The following NEK5 variants were observed in gnomAD, a reference collection of about 807,000 sequenced individuals.
NEK5 encodes the protein serine/threonine-protein kinase Nek5.
In NEK5, 88 loss-of-function variants were observed where a neutral mutation model predicts 109.2. The observed-to-expected ratio is 0.81, with a 90% CI of 0.68 to 0.96. NEK5 has a LOEUF of 0.96. Ranked by LOEUF, NEK5 falls within the 40% of genes least tolerant of loss-of-function variation. The probability of loss-of-function intolerance (pLI) is 0.00; values close to 1 mark genes in which losing one functional copy is unlikely to be tolerated. For missense variants in NEK5, 834 were observed against 920.7 expected, an observed-to-expected ratio of 0.91 and a Z score of 1.22; for synonymous variants, 283 against 299.9, an observed-to-expected ratio of 0.94 and a Z score of 0.58.
intron 5 of NEK5, among the ~76,000 whole-genome samples, 196 bp from the exon 6 acceptor site, chr13:52,110,773 A>C (rs995274585): frequency 1.3e-4 from 20 of 152,210 alleles, no homozygotes; most frequent in Admixed American, 2.0e-4. Context: ...AACTAAAAAA[A>C]TGGAGGCACA....
intron 22 of NEK5, among the ~76,000 whole-genome samples, chr13:52,054,904 AAAG>A (rs1566732876): frequency 6.6e-6 from 1 of 152,260 alleles, no homozygotes; most frequent in Non-Finnish European, 1.5e-5. Flanking sequence ...CTCCTCCTCC[AAAG>A]GAACGCAGTT....
At chr13:52,072,172 A>T (rs1394388282) in intron 19 of NEK5, 102 bp from the exon 20 acceptor site, 9 of 805,476 alleles carry the variant, frequency 1.1e-5, no homozygotes, top group Non-Finnish European at 1.8e-5. Flanking sequence ...CAAGGTATAT[A>T]GTAAATATTC....
At chr13:52,117,873 A>G (rs1205698881) in intron 4 of NEK5, among the ~76,000 whole-genome samples, 1 of 152,248 alleles carries the variant, frequency 6.6e-6, no homozygotes, top group African/African-American at 2.4e-5. Context: ...CCAGAGAGTC[A>G]CAATAATCTC....
chr13:52,075,838 CAAAAA>C lies in NEK5; in HGVS notation c.1654-17_1654-13del. 4.3e-6 allele frequency: 5 copies of C among 1,167,006 alleles called. No individual in the cohort carries two copies. The highest frequency in any genetic ancestry group is 3.6e-5 in the Admixed American group (1 of 27,608). 72.3% of individuals were successfully genotyped at this position (1,167,006 alleles called of 1,614,324 possible). On this transcript the variant is annotated splice_polypyrimidine_tract_variant and intron_variant, in intron 18 of 23. Coordinates refer to ENST00000684899, the MANE Select transcript of NEK5 (RefSeq NM_001365552.1). ...AATTTTACCCCCTTCTAGGAGAAAG[CAAAAA>C]AAAAAAAAAAGTTTAGCAATTCAGT...
At chr13:52,124,026 C>G (rs1472527081) in intron 3 of NEK5, among the ~76,000 whole-genome samples, 1 of 152,186 alleles carries the variant, frequency 6.6e-6, no homozygotes, top group Non-Finnish European at 1.5e-5. Flanking sequence ...AAGCACAAGG[C>G]AGACCAGGCA....
At chr13:52,063,308 C>T (rs1020261719) in intron 21 of NEK5, among the ~76,000 whole-genome samples, 10 of 152,210 alleles carry the variant, frequency 6.6e-5, no homozygotes, top group Admixed American at 1.3e-4. Flanking sequence ...CTCCTAACCG[C>T]GAGTGATCTG....
chr13:52,104,915 G>C (rs112305730), intron 8 of NEK5, among the ~76,000 whole-genome samples: 3 of 152,246 alleles, frequency 2.0e-5, no homozygotes, highest in African/African-American at 7.2e-5. Context: ...GGTAATATTT[G>C]GTTGATTTTG....
chr13:52,124,846 G>C (rs1320559316), intron 3 of NEK5, among the ~76,000 whole-genome samples: 4 of 152,186 alleles, frequency 2.6e-5, no homozygotes, highest in Admixed American at 2.6e-4. Flanking sequence ...TGAAGGTTTG[G>C]GGGCATGGCT....
chr13:52,058,357 C>T (rs1474413843), intron 22 of NEK5, among the ~76,000 whole-genome samples: 3 of 146,328 alleles, frequency 2.1e-5, no homozygotes, highest in Non-Finnish European at 3.0e-5. Context: ...GAATCAATAT[C>T]GTGAAAATGG....
intron 11 of NEK5, among the ~76,000 whole-genome samples, chr13:52,100,645 A>T (rs1265235134): frequency 2.0e-5 from 3 of 151,932 alleles, no homozygotes; most frequent in Non-Finnish European, 4.4e-5. Context: ...AGGCCAAGGT[A>T]GGAGGATTGT....
chr13:52,055,291 G>A (rs944052353), intron 22 of NEK5, among the ~76,000 whole-genome samples: 3 of 152,140 alleles, frequency 2.0e-5, no homozygotes, highest in African/African-American at 7.2e-5. Context: ...AAGAAATATG[G>A]GACTATGTGA....
intron 3 of NEK5, among the ~76,000 whole-genome samples, chr13:52,120,541 C>T (rs745830735): frequency 2.0e-5 from 3 of 149,758 alleles, no homozygotes; most frequent in Admixed American, 6.7e-5. Flanking sequence ...ATAGTCAACT[C>T]GAAAAAAAAA....
intron 22 of NEK5, among the ~76,000 whole-genome samples, chr13:52,058,424 A>C (rs1183863576): frequency 2.0e-5 from 3 of 148,054 alleles, no homozygotes; most frequent in Non-Finnish European, 3.0e-5. Context: ...GCTACCAATG[A>C]CTTTCTTCAC....
chr13:52,108,317 C>T lies in NEK5; in HGVS notation c.554+1G>A, dbSNP rs113910865. On this transcript the variant is annotated splice_donor_variant, in intron 8 of 23. Transcript: ENST00000684899. LOFTEE classifies it high-confidence loss of function. ...TTTCAAACTAAGAGTCAGCAACTTACGTTTTATTGTTGTAGGGTTTATTCT... is the reference window on the plus strand; with the variant it reads ...TTTCAAACTAAGAGTCAGCAACTTATGTTTTATTGTTGTAGGGTTTATTCT... 47 of 1,588,810 alleles carry T rather than the reference C, an allele frequency of 3.0e-5. 1 individual carries two copies. The African/African-American group carries it at 3.2e-4, about 11-fold the overall frequency.
chr13:52,112,944 G>C (rs907578848), intron 4 of NEK5, among the ~76,000 whole-genome samples: 4 of 152,138 alleles, frequency 2.6e-5, no homozygotes, highest in African/African-American at 7.2e-5. Flanking sequence ...AAGTACCTCT[G>C]CTCTTACCAA....
intron 17 of NEK5, among the ~76,000 whole-genome samples, chr13:52,079,317 T>TCCCTCTCCCTCC (rs1954927284): frequency 1.4e-5 from 2 of 140,838 alleles, no homozygotes; most frequent in African/African-American, 5.6e-5. Context: ...CCTCTCCCTC[T>TCCCTCTCCCTCC]CCCCTCTTTC....
intron 17 of NEK5, among the ~76,000 whole-genome samples, chr13:52,082,729 G>A (rs1382973195): frequency 1.3e-5 from 2 of 152,186 alleles, no homozygotes; most frequent in African/African-American, 2.4e-5. Flanking sequence ...AGAGTGGAAC[G>A]TTCTTATACT....
At chr13:52,056,647 T>A (rs1441201493) in intron 22 of NEK5, among the ~76,000 whole-genome samples, 1 of 149,218 alleles carries the variant, frequency 6.7e-6, no homozygotes, top group African/African-American at 2.4e-5. Context: ...AGAATCTCAC[T>A]CAAAACCGCT....
chr13:52,051,097 G>A (rs1172052999), intron 22 of NEK5, among the ~76,000 whole-genome samples: 3 of 151,386 alleles, frequency 2.0e-5, no homozygotes, highest in Non-Finnish European at 4.4e-5. Flanking sequence ...TCAGAAGTCA[G>A]GTTAATTAAA....
Sources: allele counts gnomAD v4.1 joint callset (sites outside exome capture counted in the v4.1 genomes callset), GRCh38; gene constraint gnomAD v4.1.1; transcripts MANE v1.5; gene names NCBI Gene and HGNC (gene_info 2026-07-23, HGNC 2026-07-21).